The following PLEKHH2 variants were observed in gnomAD, a reference collection of about 807,000 sequenced individuals.
PLEKHH2 encodes the protein pleckstrin homology domain-containing family H member 2.
PLEKHH2 carries 129 observed loss-of-function variants against 187.9 expected under a neutral mutation model. The ratio of observed to expected loss-of-function variants is 0.69; its 90% CI spans 0.59 to 0.79. PLEKHH2 has a LOEUF of 0.79. PLEKHH2 is among the 30% of genes least tolerant of loss of function. The probability of loss-of-function intolerance (pLI) is 0.00; values close to 1 mark genes in which losing one functional copy is unlikely to be tolerated. For missense variants in PLEKHH2, 2,076 were observed against 1,751.2 expected, an observed-to-expected ratio of 1.19 and a Z score of -3.31; for synonymous variants, 686 against 605.6, an observed-to-expected ratio of 1.13 and a Z score of -1.95.
intron 6 of PLEKHH2, among the ~76,000 whole-genome samples, chr2:43,696,041 T>C (rs114481369): frequency 6.6e-6 from 1 of 152,246 alleles, no homozygotes; most frequent in African/African-American, 2.4e-5. Flanking sequence ...TTTCCCCATA[T>C]GGATCTTCTA....
chr2:43,733,726 G>A (rs551165628), intron 19 of PLEKHH2, among the ~76,000 whole-genome samples: 90 of 152,264 alleles, frequency 5.9e-4, no homozygotes, highest in African/African-American at 2.0e-3. Context: ...AAGTAGAGGT[G>A]GGGAGGTGGT....
At chr2:43,638,505 T>C (rs1007703088) in intron 1 of PLEKHH2, among the ~76,000 whole-genome samples, 5 of 152,248 alleles carry the variant, frequency 3.3e-5, no homozygotes, top group African/African-American at 9.6e-5. Flanking sequence ...GTTTATCTTA[T>C]GTCAGTAAAT....
chr2:43,748,343 C>T (rs1034367967), intron 24 of PLEKHH2, among the ~76,000 whole-genome samples: 25 of 152,196 alleles, frequency 1.6e-4, no homozygotes, highest in African/African-American at 6.0e-4. Flanking sequence ...CCTGGAGGGA[C>T]CTGTTTCCCT....
At position 43,678,932 on chromosome 2, in the gene PLEKHH2, T is replaced by C; in HGVS notation, c.186+7T>C. ...AGAAAAAGCTTTTCAACAGGTAGAG[T>C]ATAATTTTACTTTAAATTTTTTTTG... On this transcript the variant is annotated splice_region_variant and intron_variant, in intron 3 of 29. Transcript: ENST00000282406. 6.3e-7 allele frequency: 1 copy of C among 1,599,398 alleles called. No individual in the cohort carries two copies. The highest frequency in any genetic ancestry group is 8.5e-7 in the Non-Finnish European group (1 of 1,170,266).
intron 8 of PLEKHH2, among the ~76,000 whole-genome samples, chr2:43,702,936 C>T (rs4952998): frequency 0.14 from 21,614 of 152,074 alleles, 1,639 homozygotes; most frequent in Middle Eastern, 0.23. Flanking sequence ...CTACTACTAA[C>T]CACTTTCCCC....
intron 14 of PLEKHH2, chr2:43,711,966 C>T (rs1285407032): frequency 7.9e-6 from 9 of 1,138,760 alleles, no homozygotes; most frequent in African/African-American, 1.7e-5. Flanking sequence ...GACAAATAAA[C>T]AAGATATAAA....
chr2:43,676,191 G>T (rs760174670), intron 2 of PLEKHH2: 1 of 1,614,008 alleles, frequency 6.2e-7, no homozygotes, highest in Non-Finnish European at 8.5e-7. Flanking sequence ...GTGGACGAAG[G>T]TGATGGTGCT....
At chr2:43,655,266 G>C (rs148757754) in intron 2 of PLEKHH2, among the ~76,000 whole-genome samples, 1 of 152,130 alleles carries the variant, frequency 6.6e-6, no homozygotes, top group East Asian at 1.9e-4. Context: ...ATGTGGCAAG[G>C]AAATGTTGGG....
Position 43,741,051 on chromosome 2 carries a change from G to T in PLEKHH2, c.3221+8G>T. 6.2e-7 allele frequency: 1 copy of T among 1,601,870 alleles called. No homozygotes were observed. Among genetic ancestry groups the T allele is most frequent in the South Asian group, 1.1e-5 (1 of 90,698 alleles). ...GAGGAATGCAGATTCCAGGTGTGCAGAATACTAGCCAGCTGAACTGTTTAT... is the reference window on the plus strand; with the variant it reads ...GAGGAATGCAGATTCCAGGTGTGCATAATACTAGCCAGCTGAACTGTTTAT... On this transcript the variant is annotated splice_region_variant and intron_variant, in intron 21 of 29. Coordinates refer to ENST00000282406, the MANE Select transcript of PLEKHH2 (RefSeq NM_172069.4).
chr2:43,753,519 C>T (rs1318189329), intron 24 of PLEKHH2, 100 bp from the exon 25 acceptor site: 12 of 904,394 alleles, frequency 1.3e-5, no homozygotes, highest in South Asian at 3.0e-5. Context: ...ACTTAGAGTA[C>T]TGTGTTAAAA....
chr2:43,656,291 TCAAAA>T (rs956494776), intron 2 of PLEKHH2, among the ~76,000 whole-genome samples: 89 of 152,270 alleles, frequency 5.8e-4, no homozygotes, highest in African/African-American at 2.1e-3. Context: ...TTTTTTTGCC[TCAAAA>T]CAAAGCAAAT....
chr2:43,741,125 A>T, intron 21 of PLEKHH2, 82 bp downstream of exon 21: 1 of 1,261,914 alleles, frequency 7.9e-7, no homozygotes, highest in African/African-American at 1.5e-5. Context: ...ACGATCTGCC[A>T]GGTACATTTT....
chr2:43,689,597 A>T (rs1196583903), intron 3 of PLEKHH2, among the ~76,000 whole-genome samples: 1 of 152,190 alleles, frequency 6.6e-6, no homozygotes, highest in Non-Finnish European at 1.5e-5. Flanking sequence ...ATTAATTACC[A>T]AAGAAGGCTA....
At chr2:43,740,893 T>A (rs1671531816) in intron 20 of PLEKHH2, 53 bp from the exon 21 acceptor site, 1 of 1,597,014 alleles carries the variant, frequency 6.3e-7, no homozygotes, top group South Asian at 1.1e-5. Context: ...CACTCAGATG[T>A]GGATCTCTGA....
chr2:43,649,266 G>T (rs1666352656), intron 2 of PLEKHH2, among the ~76,000 whole-genome samples: 1 of 152,136 alleles, frequency 6.6e-6, no homozygotes, highest in South Asian at 2.1e-4. Flanking sequence ...AATATTACTA[G>T]TTAGTTTCTG....
At chr2:43,697,873 A>G (rs1305443592) in intron 7 of PLEKHH2, among the ~76,000 whole-genome samples, 1 of 152,194 alleles carries the variant, frequency 6.6e-6, no homozygotes, top group East Asian at 1.9e-4. Flanking sequence ...AATCCTTCCA[A>G]GAGGAAAATG....
chr2:43,671,134 C>T (rs1045037263), intron 2 of PLEKHH2, among the ~76,000 whole-genome samples: 1 of 151,898 alleles, frequency 6.6e-6, no homozygotes, highest in African/African-American at 2.4e-5. Context: ...TTACAGGCAC[C>T]TGCCACCACG....
At chr2:43,667,143 T>G (rs1667257678) in intron 2 of PLEKHH2, among the ~76,000 whole-genome samples, 1 of 152,162 alleles carries the variant, frequency 6.6e-6, no homozygotes, top group African/African-American at 2.4e-5. Context: ...GGTTTTTGTA[T>G]ATGATGCAAG....
intron 19 of PLEKHH2, among the ~76,000 whole-genome samples, chr2:43,733,575 G>A (rs1316857456): frequency 1.3e-5 from 2 of 151,958 alleles, no homozygotes; most frequent in African/African-American, 4.8e-5. Context: ...AAATCTATTT[G>A]TTTATTAGAT....
Sources: allele counts gnomAD v4.1 joint callset (sites outside exome capture counted in the v4.1 genomes callset), GRCh38; gene constraint gnomAD v4.1.1; transcripts MANE v1.5; gene names NCBI Gene and HGNC (gene_info 2026-07-23, HGNC 2026-07-21).